Variants in FOXE1 observed in about 807,000 individuals in gnomAD.
The protein encoded by FOXE1 is forkhead box protein E1.
In FOXE1, 4 loss-of-function variants were observed where a neutral mutation model predicts 2.1. The ratio of observed to expected loss-of-function variants is 1.91; its 90% CI spans 0.94 to 4.37. The LOEUF is 4.37. Ranked by LOEUF, FOXE1 falls within the 30% of genes most tolerant of loss-of-function variation. FOXE1 has a pLI of 0.01. For synonymous variants in FOXE1, 277 were observed against 272.4 expected (o/e 1.02, Z -0.17); for missense variants, 574 against 583.3 (o/e 0.98, Z 0.16).
In FOXE1 at chr9:97,856,522, A is replaced by T. The variant is rs761596822; in HGVS notation, c.*1486A>T. On this transcript the variant is annotated 3_prime_UTR_variant, in exon 1 of 1. Transcript: ENST00000375123. ...GAAGGGCTGGGGTGTGAAAAAGAAGATTGTATGAAAACCATTGGTAATTTT... is the reference window on the plus strand; with the variant it reads ...GAAGGGCTGGGGTGTGAAAAAGAAGTTTGTATGAAAACCATTGGTAATTTT... 14 of 167,214 alleles carry T rather than the reference A, an allele frequency of 8.4e-5. No homozygotes were observed. Among genetic ancestry groups the T allele is most frequent in the African/African-American group, 3.4e-4 (14 of 41,582 alleles). 10.4% of individuals were successfully genotyped at this position (167,214 alleles called of 1,614,324 possible).
Position 97,854,993 on chromosome 9 carries a change from C to G in FOXE1, c.1079C>G (p.Ala360Gly). 6.2e-7 allele frequency: 1 copy of G among 1,608,602 alleles called. No individual in the cohort carries two copies. Among genetic ancestry groups the G allele is most frequent in the Non-Finnish European group, 8.5e-7 (1 of 1,179,996 alleles). ...GGCGCCTACCATGCTCGCCATGCTG[C>G]CGCTTATCCCGGTGGGATAGATCGG... ...SAGAYHARHA[A>G]AYPGGIDRFV... The change falls in exon 1 of 1, where the codon GCC becomes GGC. Residue 360 changes from alanine (A) to glycine (G), a missense_variant. Around this residue, in one of 3 missense-constraint regions of FOXE1, gnomAD observed 316 missense variants for 288.4 expected, o/e 1.10. Transcript: ENST00000375123.
Position 97,854,889 on chromosome 9 carries a change from C to A in FOXE1, c.975C>A (p.Tyr325Ter). The change falls in exon 1 of 1, where the codon TAC becomes TAA. Residue 325 changes from tyrosine to a stop codon, truncating the protein, a stop_gained. Transcript: ENST00000375123. LOFTEE classifies it high-confidence loss of function. ...GCGTGGAGACCACGGTGGACTTCTA[C>A]GGGCGCACGTCGCCCGGCCAGTTCG... The part of the protein sequence containing the change: ...SGGVETTVDF[Y>*]GRTSPGQFGA... 6.3e-7 allele frequency: 1 copy of A among 1,590,354 alleles called. No individual in the cohort carries two copies.
In FOXE1 at chr9:97,854,758, G is replaced by T. The variant is rs776377853; in HGVS notation, c.844G>T (p.Ala282Ser). The change falls in exon 1 of 1, where the codon GCG (alanine) becomes TCG (serine). Residue 282 changes from alanine to serine, a missense_variant. Ala to Ser is a moderately conservative substitution (Grantham distance 99). Coordinates refer to ENST00000375123, the MANE Select transcript of FOXE1 (RefSeq NM_004473.4). ...ANPSAYAAAY[A>S]GPDGAYPQGA... is the part of the protein sequence containing the mutation. Reference sequence around the variant, plus strand: ...CCCCTCCGCCTATGCGGCTGCCTACGCGGGCCCCGACGGCGCGTACCCGCA... The same window carrying T: ...CCCCTCCGCCTATGCGGCTGCCTACTCGGGCCCCGACGGCGCGTACCCGCA... 26 of 1,483,356 alleles carry T rather than the reference G, an allele frequency of 1.8e-5. 1 individual carries two copies. The South Asian group carries it at 3.1e-4, about 17-fold the overall frequency. 91.9% of individuals were successfully genotyped at this position (1,483,356 alleles called of 1,614,324 possible).
In FOXE1 at chr9:97,854,101, G is replaced by T; in HGVS notation, c.187G>T (p.Ala63Ser). ...KPPYSYIALI[A>S]MAIAHAPERR... ...GCCCTACAGCTACATCGCGCTCATC[G>T]CCATGGCCATCGCGCACGCGCCCGA... Residue 63 changes from alanine to serine, a missense_variant, in exon 1 of 1, where the codon GCC becomes TCC. Transcript: ENST00000375123. The T allele has an allele frequency of 6.2e-7, 1 of 1,609,732 alleles. No individual in the cohort carries two copies. Among genetic ancestry groups the T allele is most frequent in the East Asian group, 2.2e-5 (1 of 44,700 alleles).
chr9:97,856,314 T>C lies in FOXE1; in HGVS notation c.*1278T>C, dbSNP rs997713704. 1 of 167,120 alleles carries C rather than the reference T, an allele frequency of 6.0e-6. No homozygotes were observed. The highest frequency in any genetic ancestry group is 1.5e-5 in the Non-Finnish European group (1 of 68,124). The allele number at this position is 167,120 out of a possible 1,614,324, so 10.4% of individuals were successfully genotyped here. ...AGAAAGTCCAATAACTCTCCCCCTT[T>C]CCCTTGAGAAATCTTTAAGTTTCGA... On this transcript the variant is annotated 3_prime_UTR_variant, in exon 1 of 1. Coordinates refer to ENST00000375123, the MANE Select transcript of FOXE1 (RefSeq NM_004473.4).
rs547741591 is a variant in FOXE1, at chr9:97,855,255, C to T, written c.*219C>T. 2.9e-4 allele frequency: 187 copies of T among 648,878 alleles called. 1 individual carries two copies. Among genetic ancestry groups the T allele is most frequent in the Middle Eastern group, 8.4e-4 (2 of 2,378 alleles). The allele number at this position is 648,878 out of a possible 1,614,324, so 40.2% of individuals were successfully genotyped here. On this transcript the variant is annotated 3_prime_UTR_variant, in exon 1 of 1. Transcript: ENST00000375123. ...GGCAGCCAGAGCCCTTGGACTGGCA[C>T]AGGGACCCTCGATGGAGCGAAGCCC... is the stretch of plus-strand genomic sequence containing the variant.
chr9:97,856,480 T>G lies in FOXE1; in HGVS notation c.*1444T>G, dbSNP rs1830671785. 1 of 167,106 alleles carries G rather than the reference T, an allele frequency of 6.0e-6. No homozygotes were observed. Among genetic ancestry groups the G allele is most frequent in the Non-Finnish European group, 1.5e-5 (1 of 68,118 alleles). The allele number at this position is 167,106 out of a possible 1,614,324, so 10.4% of individuals were successfully genotyped here. A position where few individuals can be genotyped will look rare whatever the true frequency, so the allele number is the denominator to read the frequency against. On this transcript the variant is annotated 3_prime_UTR_variant, in exon 1 of 1. Coordinates refer to ENST00000375123, the MANE Select transcript of FOXE1 (RefSeq NM_004473.4). ...TGGCAAGAGAAACTCAGCCTCTTTC[T>G]GTATAAACTTAACAGGGAAGGGCTG...
chr9:97,854,496 C>T lies in FOXE1; in HGVS notation c.582C>T (p.Gly194=), dbSNP rs2131486416. The change falls in exon 1 of 1, where the codon GGC becomes GGT. Residue 194 remains glycine (G), a synonymous_variant. Coordinates refer to ENST00000375123, the MANE Select transcript of FOXE1 (RefSeq NM_004473.4). ...CCGCCGCGCGCCCCCCCTACCCGGG[C>T]GCCGTCTATGCAGGCTACGCGCCGC... The part of the protein sequence containing the change: ...AVPAARPPYP[G]AVYAGYAPPS... The T allele has an allele frequency of 8.1e-7, 1 of 1,229,492 alleles. No individual in the cohort carries two copies. Among genetic ancestry groups the T allele is most frequent in the Non-Finnish European group, 1.0e-6 (1 of 989,198 alleles). 76.2% of individuals were successfully genotyped at this position (1,229,492 alleles called of 1,614,324 possible).
In FOXE1 at chr9:97,853,607, C is replaced by CGGA; in HGVS notation, c.-306_-304dup. 3 of 327,330 alleles carry CGGA rather than the reference C, an allele frequency of 9.2e-6. No homozygotes were observed. Among genetic ancestry groups the CGGA allele is most frequent in the Non-Finnish European group, 1.7e-5 (3 of 181,222 alleles). 20.3% of individuals were successfully genotyped at this position (327,330 alleles called of 1,614,324 possible). A position where few individuals can be genotyped will look rare whatever the true frequency, so the allele number is the denominator to read the frequency against. On this transcript the variant is annotated 5_prime_UTR_variant, in exon 1 of 1. Coordinates refer to ENST00000375123, the MANE Select transcript of FOXE1 (RefSeq NM_004473.4). Reference sequence around the variant, plus strand: ...ACCAGCGCGCAAGGGACCCTTCAGCCGGAGACCAGAGTCCAGTCCCGGTCA... The same window carrying CGGA: ...ACCAGCGCGCAAGGGACCCTTCAGCCGGAGGAGACCAGAGTCCAGTCCCGGTCA...
rs1383874355 is a variant in FOXE1 at position 97,854,621 on chromosome 9, TG to T, written c.711del (p.Ala239HisfsTer128). ...CCTGAGCGGCCGCTCAGCCCAGAGC[TG>T]GGGCCCGCACCGTCGGGGCCCGGCG... Reference protein sequence around the residue: ...LVPERPLSPELGPAPSGPGGS... With the variant: ...LVPERPLSPEXGPAPSGPGGS... On this transcript the variant is annotated frameshift_variant, in exon 1 of 1. Coordinates refer to ENST00000375123, the MANE Select transcript of FOXE1 (RefSeq NM_004473.4). LOFTEE classifies it low-confidence loss of function (END_TRUNC). The T allele has an allele frequency of 7.2e-7, 1 of 1,388,266 alleles. No individual in the cohort carries two copies. The highest frequency in any genetic ancestry group is 1.6e-5 in the South Asian group (1 of 63,058). The allele number at this position is 1,388,266 out of a possible 1,614,324, so 86.0% of individuals were successfully genotyped here. A position where few individuals can be genotyped will look rare whatever the true frequency, so the allele number is the denominator to read the frequency against.
At position 97,856,572 on chromosome 9, in the gene FOXE1, T is replaced by C. The variant is rs1830672728; in HGVS notation, c.*1536T>C. ...TTATTTTTTATTTTTGGGACTGCAC[T>C]ATCCTGTTCACGAAGACATGTGAAC... is the stretch of plus-strand genomic sequence containing the variant. On this transcript the variant is annotated 3_prime_UTR_variant, in exon 1 of 1. Coordinates refer to ENST00000375123, the MANE Select transcript of FOXE1 (RefSeq NM_004473.4). The C allele has an allele frequency of 6.0e-6, 1 of 167,136 alleles. No homozygotes were observed. Among genetic ancestry groups the C allele is most frequent in the Non-Finnish European group, 1.5e-5 (1 of 68,138 alleles). The allele number at this position is 167,136 out of a possible 1,614,324, so 10.4% of individuals were successfully genotyped here. A position where few individuals can be genotyped will look rare whatever the true frequency, so the allele number is the denominator to read the frequency against.
At position 97,856,307 on chromosome 9, in the gene FOXE1, C is replaced by T. The variant is rs1296459948; in HGVS notation, c.*1271C>T. On this transcript the variant is annotated 3_prime_UTR_variant, in exon 1 of 1. Transcript: ENST00000375123. ...AAATTAGAGAAAGTCCAATAACTCT[C>T]CCCCTTTCCCTTGAGAAATCTTTAA... 6.0e-6 allele frequency: 1 copy of T among 167,110 alleles called. No individual in the cohort carries two copies. The highest frequency in any genetic ancestry group is 1.5e-5 in the Non-Finnish European group (1 of 68,134). The allele number at this position is 167,110 out of a possible 1,614,324, so 10.4% of individuals were successfully genotyped here.
chr9:97,855,139 T>G lies in FOXE1; in HGVS notation c.*103T>G. The stretch of plus-strand genomic sequence containing the variant: ...AGAGAGGACTCAACTGGGACCCACG[T>G]GGAAAAGACCGAGCAGGCCACAGAG... On this transcript the variant is annotated 3_prime_UTR_variant, in exon 1 of 1. Coordinates refer to ENST00000375123, the MANE Select transcript of FOXE1 (RefSeq NM_004473.4). 7.0e-7 allele frequency: 1 copy of G among 1,438,494 alleles called. No individual in the cohort carries two copies. Among genetic ancestry groups the G allele is most frequent in the Non-Finnish European group, 9.6e-7 (1 of 1,043,350 alleles). 89.1% of individuals were successfully genotyped at this position (1,438,494 alleles called of 1,614,324 possible).
Position 97,855,236 on chromosome 9 carries a change from C to T in FOXE1, c.*200C>T. On this transcript the variant is annotated 3_prime_UTR_variant, in exon 1 of 1. Transcript: ENST00000375123. ...ACGGGAGGAGGTGGGGCGAGGCAGC[C>T]AGAGCCCTTGGACTGGCACAGGGAC... The T allele has an allele frequency of 1.4e-6, 1 of 705,260 alleles. No homozygotes were observed. The highest frequency in any genetic ancestry group is 1.7e-5 in the South Asian group (1 of 58,636). 43.7% of individuals were successfully genotyped at this position (705,260 alleles called of 1,614,324 possible).
rs567993682 is a variant in FOXE1, at chr9:97,854,104, A to C, written c.190A>C (p.Met64Leu). Residue 64 changes from methionine (M) to leucine (L), a missense_variant, in exon 1 of 1, where the codon ATG (methionine) becomes CTG (leucine). By Grantham distance (15) the Met-to-Leu change is conservative (BLOSUM62 2). Around this residue, in one of 3 missense-constraint regions of FOXE1, gnomAD observed 249 missense variants for 269.6 expected, o/e 0.92. Transcript: ENST00000375123. The stretch of plus-strand genomic sequence containing the variant: ...CTACAGCTACATCGCGCTCATCGCC[A>C]TGGCCATCGCGCACGCGCCCGAGCG... ...PPYSYIALIA[M>L]AIAHAPERRL... 7 of 1,610,450 alleles carry C rather than the reference A, an allele frequency of 4.3e-6. No individual in the cohort carries two copies. Among genetic ancestry groups the C allele is most frequent in the Non-Finnish European group, 5.9e-6 (7 of 1,178,642 alleles).
chr9:97,853,312 C>T lies in FOXE1; in HGVS notation c.-603C>T, dbSNP rs887047918. ...GCCGTGGAGAGGACCAGCCTCAGGT[C>T]GCCCCGCCTGGGCCCGCGCCCCGAC... On this transcript the variant is annotated 5_prime_UTR_variant, in exon 1 of 1. Coordinates refer to ENST00000375123, the MANE Select transcript of FOXE1 (RefSeq NM_004473.4). 11 of 152,626 alleles carry T rather than the reference C, an allele frequency of 7.2e-5. No individual in the cohort carries two copies. The highest frequency in any genetic ancestry group is 2.0e-4 in the Admixed American group (3 of 15,298). The allele number at this position is 152,626 out of a possible 1,614,324, so 9.5% of individuals were successfully genotyped here. A position where few individuals can be genotyped will look rare whatever the true frequency, so the allele number is the denominator to read the frequency against.
In FOXE1 at chr9:97,855,096, GA is replaced by G; in HGVS notation, c.*61del. ...GCTGTTCACACGTTCCCCGCAATCT[GA>G]GAACGAACAGGAATGGAGAGAGGAC... On this transcript the variant is annotated 3_prime_UTR_variant, in exon 1 of 1. Coordinates refer to ENST00000375123, the MANE Select transcript of FOXE1 (RefSeq NM_004473.4). 4 of 1,585,462 alleles carry G rather than the reference GA, an allele frequency of 2.5e-6. 1 individual carries two copies. The South Asian group carries it at 4.5e-5, about 18-fold the overall frequency.
In FOXE1 at chr9:97,854,735, C is replaced by T; in HGVS notation, c.821C>T (p.Pro274Leu). 3 of 1,457,524 alleles carry T rather than the reference C, an allele frequency of 2.1e-6. No homozygotes were observed. The highest frequency in any genetic ancestry group is 2.7e-6 in the Non-Finnish European group (3 of 1,115,976). The allele number at this position is 1,457,524 out of a possible 1,614,324, so 90.3% of individuals were successfully genotyped here. ...AGCTGARPANPSAYAAAYAGP... is the reference protein window; with the variant it reads ...AGCTGARPANLSAYAAAYAGP... ...TGCACCGGGGCCCGGCCGGCCAACCCCTCCGCCTATGCGGCTGCCTACGCG... is the reference window on the plus strand; with the variant it reads ...TGCACCGGGGCCCGGCCGGCCAACCTCTCCGCCTATGCGGCTGCCTACGCG... The change falls in exon 1 of 1, where the codon CCC (proline) becomes CTC (leucine). Residue 274 changes from proline (P) to leucine (L), a missense_variant. Pro to Leu is a moderately conservative substitution (Grantham distance 98, BLOSUM62 -3). This residue lies in a region of FOXE1 where 316 missense variants were observed against 288.4 expected (regional missense o/e 1.10). Transcript: ENST00000375123.
In FOXE1 at chr9:97,855,113, G is replaced by T; in HGVS notation, c.*77G>T. Reference sequence around the variant, plus strand: ...CGCAATCTGAGAACGAACAGGAATGGAGAGAGGACTCAACTGGGACCCACG... The same window carrying T: ...CGCAATCTGAGAACGAACAGGAATGTAGAGAGGACTCAACTGGGACCCACG... On this transcript the variant is annotated 3_prime_UTR_variant, in exon 1 of 1. Coordinates refer to ENST00000375123, the MANE Select transcript of FOXE1 (RefSeq NM_004473.4). 1 of 1,550,900 alleles carries T rather than the reference G, an allele frequency of 6.4e-7. No individual in the cohort carries two copies. Among genetic ancestry groups the T allele is most frequent in the South Asian group, 1.2e-5 (1 of 86,520 alleles).
Sources: allele counts gnomAD v4.1 joint callset, GRCh38; gene constraint gnomAD v4.1.1; regional missense constraint gnomAD v4.1.1; transcripts MANE v1.5; gene names NCBI Gene and HGNC (gene_info 2026-07-23, HGNC 2026-07-21).